The following GRIA1 variants were observed in gnomAD, a reference collection of about 807,000 sequenced individuals.
GRIA1 encodes the protein glutamate receptor 1.
In GRIA1, 31 loss-of-function variants were observed where a neutral mutation model predicts 99.2. The ratio of observed to expected loss-of-function variants is 0.31; its 90% confidence interval spans 0.23 to 0.42. The LOEUF (loss-of-function observed/expected upper bound fraction) is 0.42, where lower values mean the gene tolerates loss of function less well. Ranked by LOEUF, GRIA1 falls within the 10% of genes least tolerant of loss-of-function variation. The pLI is 1.00. For synonymous variants in GRIA1, 438 were observed against 432.4 expected (o/e 1.01, Z -0.16); for missense variants, 782 against 1,157.5 (o/e 0.68, Z 4.71).
chr5:153,611,474 C>A (rs1581327120), intron 2 of GRIA1, among the ~76,000 whole-genome samples: 2 of 152,220 alleles, frequency 1.3e-5, no homozygotes, highest in Non-Finnish European at 1.5e-5. Flanking sequence ...AGGTTTTGAT[C>A]TGCCAGGCAG....
chr5:153,652,681 A>G lies in GRIA1; in HGVS notation c.645+2167A>G, dbSNP rs910225890. Among the ~76,000 whole-genome samples, 4 of 152,212 alleles carry G rather than the reference A, an allele frequency of 2.6e-5. No homozygotes were observed. The East Asian group carries it at 7.7e-4, about 29-fold the overall frequency. On this transcript the variant is annotated intron_variant, in intron 4 of 15. Coordinates refer to ENST00000285900, the MANE Select transcript of GRIA1 (RefSeq NM_000827.4). ...GATTGTAGCATATTGACATTTTTTA[A>G]AATTGTTTCATTCATCTATTTTGAA...
intron 2 of GRIA1, among the ~76,000 whole-genome samples, chr5:153,546,973 T>C (rs1333464861): frequency 1.3e-5 from 2 of 152,216 alleles, no homozygotes; most frequent in Admixed American, 1.3e-4. Context: ...CACTTAGTTG[T>C]GTCTGATAAA....
At chr5:153,718,180 G>A (rs893806657) in intron 11 of GRIA1, among the ~76,000 whole-genome samples, 1 of 152,144 alleles carries the variant, frequency 6.6e-6, no homozygotes, top group Non-Finnish European at 1.5e-5. Context: ...CTAAGTTTGC[G>A]ACACAGTAGA....
chr5:153,701,654 G>A (rs116442686), intron 10 of GRIA1, among the ~76,000 whole-genome samples: 904 of 72,274 alleles, frequency 0.013, 13 homozygotes, highest in African/African-American at 0.038. Flanking sequence ...ACTATGTTCT[G>A]AAGACTCTGT....
intron 13 of GRIA1, among the ~76,000 whole-genome samples, chr5:153,773,563 G>A (rs990558418): frequency 1.3e-5 from 2 of 152,158 alleles, no homozygotes; most frequent in Admixed American, 1.3e-4. Flanking sequence ...GGATTTGCTT[G>A]CTGAAAGACA....
Position 153,705,687 on chromosome 5 carries a change from TTTTTTTC to T in GRIA1, c.1453-9_1453-3del. ...ATTTTTTTTTTTTTTTTTTTTTTTT[TTTTTTTC>T]AGAGAGCAGATGTGGCTGTGGCTCC... On this transcript the variant is annotated splice_polypyrimidine_tract_variant and splice_region_variant and intron_variant, in intron 10 of 15. Coordinates refer to ENST00000285900, the MANE Select transcript of GRIA1 (RefSeq NM_000827.4). The T allele has an allele frequency of 8.3e-7, 1 of 1,210,840 alleles. No homozygotes were observed. Among genetic ancestry groups the T allele is most frequent in the Non-Finnish European group, 1.0e-6 (1 of 974,158 alleles). The allele number at this position is 1,210,840 out of a possible 1,614,324, so 75.0% of individuals were successfully genotyped here.
At chr5:153,783,075 AT>A (rs1160856935) in intron 13 of GRIA1, among the ~76,000 whole-genome samples, 1 of 152,164 alleles carries the variant, frequency 6.6e-6, no homozygotes, top group Non-Finnish European at 1.5e-5. Flanking sequence ...CTCAGGAGCC[AT>A]TCTCTGTCAC....
At chr5:153,760,921 CA>C (rs1347879698) in intron 11 of GRIA1, among the ~76,000 whole-genome samples, 1 of 152,064 alleles carries the variant, frequency 6.6e-6, no homozygotes, top group Non-Finnish European at 1.5e-5. Flanking sequence ...CAAAAACATG[CA>C]ATGGGGAAGG....
intron 2 of GRIA1, among the ~76,000 whole-genome samples, chr5:153,627,793 C>T (rs756621596): frequency 1.6e-4 from 24 of 152,132 alleles, no homozygotes; most frequent in Non-Finnish European, 1.6e-4. Context: ...GGAAAGCATA[C>T]GAGAAAAAGT....
At chr5:153,642,717 G>A (rs180981326) in intron 2 of GRIA1, among the ~76,000 whole-genome samples, 7 of 152,082 alleles carry the variant, frequency 4.6e-5, no homozygotes, top group Admixed American at 2.0e-4. Flanking sequence ...CAAATACTGT[G>A]TTTCATCCCA....
chr5:153,718,313 G>T (rs528569452), intron 11 of GRIA1, among the ~76,000 whole-genome samples: 2 of 152,308 alleles, frequency 1.3e-5, no homozygotes, highest in African/African-American at 4.8e-5. Flanking sequence ...GGACTAAAAT[G>T]ATCTGGGCTG....
chr5:153,538,705 G>C (rs1041272654), intron 2 of GRIA1, among the ~76,000 whole-genome samples: 25 of 152,160 alleles, frequency 1.6e-4, no homozygotes, highest in Non-Finnish European at 3.2e-4. Context: ...CACCCTTTTT[G>C]TGTGACACTT....
intron 2 of GRIA1, among the ~76,000 whole-genome samples, chr5:153,639,394 A>G (rs1753627023): frequency 6.6e-6 from 1 of 152,144 alleles, no homozygotes; most frequent in African/African-American, 2.4e-5. Flanking sequence ...CTGTGTCCAC[A>G]TGGGCCTTCT....
intron 11 of GRIA1, among the ~76,000 whole-genome samples, chr5:153,738,017 G>C (rs904656504): frequency 2.6e-5 from 4 of 152,224 alleles, no homozygotes; most frequent in African/African-American, 9.6e-5. Flanking sequence ...ATCCCCACCA[G>C]GGTGCTAAAC....
At chr5:153,567,958 G>GT (rs1761794826) in intron 2 of GRIA1, among the ~76,000 whole-genome samples, 1 of 152,144 alleles carries the variant, frequency 6.6e-6, no homozygotes, top group Admixed American at 6.5e-5. Flanking sequence ...GGATAAATGG[G>GT]TGCTCTCAAA....
At chr5:153,686,945 G>T (rs1431343852) in intron 8 of GRIA1, among the ~76,000 whole-genome samples, 1 of 152,046 alleles carries the variant, frequency 6.6e-6, no homozygotes, top group Non-Finnish European at 1.5e-5. Flanking sequence ...CTCCACTCCA[G>T]TCATTCTGTT....
chr5:153,760,527 G>T (rs573907403), intron 11 of GRIA1, among the ~76,000 whole-genome samples: 37 of 151,842 alleles, frequency 2.4e-4, no homozygotes, highest in African/African-American at 6.8e-4. Context: ...AAATTTAAGA[G>T]GACACAAGCA....
chr5:153,490,479 G>GGTTGGCTT (rs759102190), upstream of GRIA1: 2 of 237,730 alleles, frequency 8.4e-6, no homozygotes, highest in Non-Finnish European at 1.7e-5. Flanking sequence ...GGAACAGGTA[G>GGTTGGCTT]GGAGGTCGGC....
intron 2 of GRIA1, among the ~76,000 whole-genome samples, chr5:153,609,913 T>G (rs766003891): frequency 4.6e-5 from 7 of 152,188 alleles, no homozygotes; most frequent in Non-Finnish European, 1.0e-4. Context: ...ATCCTAGGTT[T>G]CTTTCCTCTA....
Sources: allele counts gnomAD v4.1 joint callset (sites outside exome capture counted in the v4.1 genomes callset), GRCh38; gene constraint gnomAD v4.1.1; transcripts MANE v1.5; gene names NCBI Gene and HGNC (gene_info 2026-07-23, HGNC 2026-07-21).